The following HEPACAM variants were observed in gnomAD, a reference collection of about 807,000 sequenced individuals.
HEPACAM encodes the protein hepatic and glial cell adhesion molecule, also known as hepatocyte cell adhesion molecule.
A neutral mutation model predicts 38.3 loss-of-function variants in HEPACAM; 18 were observed. The ratio of observed to expected loss-of-function variants is 0.47; its 90% CI spans 0.33 to 0.70. The LOEUF is 0.70. Among genes scored for constraint, HEPACAM ranks in the 30% least tolerant of loss-of-function variants. The pLI, the probability that HEPACAM is intolerant of heterozygous loss-of-function variation, is 0.03. For synonymous variants in HEPACAM, 216 were observed against 243.1 expected (o/e 0.89, Z 1.04); for missense variants, 466 against 563.0 (o/e 0.83, Z 1.74).
rs771507526 is a variant in HEPACAM at position 124,922,477 on chromosome 11, C to T, written c.878-19G>A. ...GTGTCTGCTGCACAGGGGAGAGAAG[C>T]GGGTGGCTGGCCCAGGTACAGACTC... is the stretch of plus-strand genomic sequence containing the variant. On this transcript the variant is annotated intron_variant, in intron 5 of 6. Transcript: ENST00000298251. The T allele has an allele frequency of 1.5e-5, 24 of 1,613,712 alleles. No individual in the cohort carries two copies. Among genetic ancestry groups the T allele is most frequent in the Admixed American group, 6.7e-5 (4 of 59,990 alleles).
Position 124,924,297 on chromosome 11 carries a change from G to A in HEPACAM, c.428-287C>T, listed in dbSNP as rs1309779388. 1.3e-5 allele frequency among the ~76,000 whole-genome samples: 2 copies of A among 152,126 alleles called. No homozygotes were observed. Among genetic ancestry groups the A allele is most frequent in the Admixed American group, 1.3e-4 (2 of 15,272 alleles). Reference sequence around the variant, plus strand: ...CCAAATGCCTTGCCATGAACCCTGGGCTTTAATGTCTTAAACTGACCCAGC... The same window carrying A: ...CCAAATGCCTTGCCATGAACCCTGGACTTTAATGTCTTAAACTGACCCAGC... On this transcript the variant is annotated intron_variant, in intron 2 of 6. Transcript: ENST00000298251. The surrounding 1 kb of genome is among the most constrained non-coding windows in gnomAD (Gnocchi z 4.4).
intron 1 of HEPACAM, among the ~76,000 whole-genome samples, chr11:124,929,875 T>G (rs190101168): frequency 2.0e-5 from 3 of 152,248 alleles, no homozygotes; most frequent in East Asian, 1.9e-4. Flanking sequence ...CTCCCTTTGC[T>G]GGGCCAAAGT....
In HEPACAM at chr11:124,935,801, G is replaced by A. The variant is rs141445377; in HGVS notation, c.85+121C>T. The A allele has an allele frequency of 1.1e-5, 9 of 794,078 alleles. No individual in the cohort carries two copies. The Middle Eastern group carries it at 7.0e-4, about 62-fold the overall frequency. The allele number at this position is 794,078 out of a possible 1,614,324, so 49.2% of individuals were successfully genotyped here. A position where few individuals can be genotyped will look rare whatever the true frequency, so the allele number is the denominator to read the frequency against. On this transcript the variant is annotated intron_variant, in intron 1 of 6. Transcript: ENST00000298251. Reference sequence around the variant, plus strand: ...CTGAATTCCCTGACATGTTTCCCACGGCAGCTGAACTCTCCCCCACTCCTG... The same window carrying A: ...CTGAATTCCCTGACATGTTTCCCACAGCAGCTGAACTCTCCCCCACTCCTG...
Position 124,924,869 on chromosome 11 carries a change from G to C in HEPACAM, c.286C>G (p.Arg96Gly). 2 of 1,614,174 alleles carry C rather than the reference G, an allele frequency of 1.2e-6. No individual in the cohort carries two copies. Among genetic ancestry groups the C allele is most frequent in the Non-Finnish European group, 1.7e-6 (2 of 1,180,028 alleles). The change falls in exon 2 of 7, where the codon CGA (arginine) becomes GGA (glycine). Residue 96 changes from arginine (R) to glycine (G), a missense_variant. Coordinates refer to ENST00000298251, the MANE Select transcript of HEPACAM (RefSeq NM_152722.5). This position sits in a 1 kb window ranked among gnomAD's most constrained non-coding sequence, Gnocchi z 4.4. ...TTTTCAAAGAGTCGGATACGGTCTC[G>C]ATAGTCAGGCCGCAGGGTGCCGATG... ...EVIGTLRPDY[R>G]DRIRLFENGS...
chr11:124,921,379 G>T lies in HEPACAM; in HGVS notation c.1010C>A (p.Pro337Gln), dbSNP rs1591547032. Residue 337 changes from proline to glutamine, a missense_variant, in exon 7 of 7, where the codon CCG becomes CAG. Physicochemically the swap from Pro to Gln is moderately conservative, Grantham distance 76 (BLOSUM62 -1). Transcript: ENST00000298251. This position sits in a 1 kb window ranked among gnomAD's most constrained non-coding sequence, Gnocchi z 4.6. Reference sequence around the variant, plus strand: ...GGCGGGAGACACGGAGTAGCCGGGCGGGCCGGGCTCCGTCGCGCTTCGAGG... The same window carrying T: ...GGCGGGAGACACGGAGTAGCCGGGCTGGCCGGGCTCCGTCGCGCTTCGAGG... The part of the protein sequence containing the change: ...PEPRSATEPG[P>Q]PGYSVSPAVP... 7.9e-7 allele frequency: 1 copy of T among 1,272,328 alleles called. No homozygotes were observed. The highest frequency in any genetic ancestry group is 9.9e-7 in the Non-Finnish European group (1 of 1,012,142). 78.8% of individuals were successfully genotyped at this position (1,272,328 alleles called of 1,614,324 possible). A position where few individuals can be genotyped will look rare whatever the true frequency, so the allele number is the denominator to read the frequency against.
At chr11:124,923,472 A>C (rs573199088) in intron 3 of HEPACAM, 39 bp from the exon 4 acceptor site, 2 of 1,431,562 alleles carry the variant, frequency 1.4e-6, no homozygotes, top group East Asian at 2.3e-5. Context: ...GAGGGACTTC[A>C]AAGGGGCAAG....
rs1057524812 is a variant in HEPACAM, at chr11:124,921,412, G to T, written c.977C>A (p.Ala326Asp). 15 of 1,270,994 alleles carry T rather than the reference G, an allele frequency of 1.2e-5. No homozygotes were observed. The highest frequency in any genetic ancestry group is 1.5e-5 in the Non-Finnish European group (15 of 1,010,620). The allele number at this position is 1,270,994 out of a possible 1,614,324, so 78.7% of individuals were successfully genotyped here. ...KDSPETEENP[A>D]PEPRSATEPG... The stretch of plus-strand genomic sequence containing the variant: ...CTCCGTCGCGCTTCGAGGCTCCGGG[G>T]CCGGGTTCTCCTCGGTCTCCGGGGA... The change falls in exon 7 of 7, where the codon GCC becomes GAC. Residue 326 changes from alanine (A) to aspartate (D), a missense_variant. Transcript: ENST00000298251. This position sits in a 1 kb window ranked among gnomAD's most constrained non-coding sequence, Gnocchi z 4.6.
chr11:124,923,473 A>G (rs1282858643), intron 3 of HEPACAM, 40 bp from the exon 4 acceptor site: 2 of 1,417,654 alleles, frequency 1.4e-6, no homozygotes, highest in South Asian at 2.3e-5. Flanking sequence ...AGGGACTTCA[A>G]AGGGGCAAGA....
At position 124,925,024 on chromosome 11, in the gene HEPACAM, TGGATCA is replaced by T; in HGVS notation, c.125_130del (p.Leu42_Ile43del). ...CAGAGCCGACTTCCCCACGGTGCCATGGATCAGGCGCACGGGGCTGGTGATGTTCAC... is the reference window on the plus strand; with the variant it reads ...CAGAGCCGACTTCCCCACGGTGCCATGGCGCACGGGGCTGGTGATGTTCAC... On this transcript the variant is annotated inframe_deletion, in exon 2 of 7. Transcript: ENST00000298251. 1 of 1,605,718 alleles carries T rather than the reference TGGATCA, an allele frequency of 6.2e-7. No homozygotes were observed. Among genetic ancestry groups the T allele is most frequent in the Non-Finnish European group, 8.5e-7 (1 of 1,173,648 alleles).
Position 124,921,434 on chromosome 11 carries a change from G to A in HEPACAM, c.955C>T (p.Pro319Ser). The change falls in exon 7 of 7, where the codon CCG (proline) becomes TCG (serine). Residue 319 changes from proline (P) to serine (S), a missense_variant. By Grantham distance (74) the Pro-to-Ser change is moderately conservative. Transcript: ENST00000298251. The surrounding 1 kb of genome is among the most constrained non-coding windows in gnomAD (Gnocchi z 4.6). ...GGGGCCGGGTTCTCCTCGGTCTCCG[G>A]GGAGTCCTGCAAGGACACGCGCCGC... Reference protein sequence around the residue: ...ALYILKDKDSPETEENPAPEP... With the variant: ...ALYILKDKDSSETEENPAPEP... 7.9e-7 allele frequency: 1 copy of A among 1,269,518 alleles called. No homozygotes were observed. The allele number at this position is 1,269,518 out of a possible 1,614,324, so 78.6% of individuals were successfully genotyped here. A position where few individuals can be genotyped will look rare whatever the true frequency, so the allele number is the denominator to read the frequency against.
Position 124,924,074 on chromosome 11 carries a change from T to A in HEPACAM, c.428-64A>T, listed in dbSNP as rs11219839. 3.3e-6 allele frequency: 5 copies of A among 1,493,778 alleles called. No individual in the cohort carries two copies. In the East Asian group the frequency reaches 1.2e-4, roughly 36 times the overall value. The allele number at this position is 1,493,778 out of a possible 1,614,324, so 92.5% of individuals were successfully genotyped here. A position where few individuals can be genotyped will look rare whatever the true frequency, so the allele number is the denominator to read the frequency against. On this transcript the variant is annotated intron_variant, in intron 2 of 6. Transcript: ENST00000298251. This position sits in a 1 kb window ranked among gnomAD's most constrained non-coding sequence, Gnocchi z 4.4. ...TAAGAAGTGTCTCCCTTCCCCTTTT[T>A]AGCTCCCTGCCTTCCAACACACCTT...
intron 3 of HEPACAM, 38 bp downstream of exon 3, chr11:124,923,691 G>A (rs760037723): frequency 6.2e-7 from 1 of 1,612,376 alleles, no homozygotes. Context: ...GCCTCTTGGG[G>A]CTTTGAGTAC....
At chr11:124,922,277 CG>C in intron 6 of HEPACAM, 110 bp downstream of exon 6, 1 of 1,172,042 alleles carries the variant, frequency 8.5e-7, no homozygotes, top group Non-Finnish European at 1.3e-6. Context: ...GTGCCAAAAC[CG>C]TTGGGGACTG....
chr11:124,919,378 T>G lies in HEPACAM; in HGVS notation c.*1760A>C. ...CTTACTTACCCCTCCCCACCCCCAA[T>G]TTAAGGCAGATTTGGCTTAAGCCTG... On this transcript the variant is annotated 3_prime_UTR_variant, in exon 7 of 7. Transcript: ENST00000298251. The G allele has an allele frequency of 4.2e-6, 1 of 237,304 alleles. No individual in the cohort carries two copies. Among genetic ancestry groups the G allele is most frequent in the Non-Finnish European group, 8.1e-6 (1 of 122,980 alleles). The allele number at this position is 237,304 out of a possible 1,614,324, so 14.7% of individuals were successfully genotyped here.
intron 5 of HEPACAM, 92 bp downstream of exon 5, chr11:124,922,653 G>T: frequency 6.2e-7 from 1 of 1,614,012 alleles, no homozygotes; most frequent in South Asian, 1.1e-5. Flanking sequence ...TCCCTGCAGA[G>T]CTGTTTTCCT....
chr11:124,919,336 A>AAAAC lies in HEPACAM; in HGVS notation c.*1798_*1801dup, dbSNP rs560243987. 0.22 allele frequency: 43,797 copies of AAAAC among 199,830 alleles called. 5,558 individuals carry two copies. The highest frequency in any genetic ancestry group is 0.35 in the African/African-American group (15,169 of 42,924). The allele number at this position is 199,830 out of a possible 1,614,324, so 12.4% of individuals were successfully genotyped here. ...CAAAGATGAAGATGAAAACAACACA[A>AAAAC]AAACAAACCCCACTTCCTTACTTAC... On this transcript the variant is annotated 3_prime_UTR_variant, in exon 7 of 7. Coordinates refer to ENST00000298251, the MANE Select transcript of HEPACAM (RefSeq NM_152722.5).
chr11:124,920,002 T>C lies in HEPACAM; in HGVS notation c.*1136A>G. 6.2e-7 allele frequency: 1 copy of C among 1,612,918 alleles called. No homozygotes were observed. Among genetic ancestry groups the C allele is most frequent in the Non-Finnish European group, 8.5e-7 (1 of 1,179,918 alleles). On this transcript the variant is annotated 3_prime_UTR_variant, in exon 7 of 7. Transcript: ENST00000298251. ...CTACACAGCGGCCCAGCCTCTTTAT[T>C]TTGATGTTAGTGTGATTAGGGAGTC... is the stretch of plus-strand genomic sequence containing the variant.
rs1358194389 is a variant in HEPACAM, at chr11:124,919,656, G to A, written c.*1482C>T. 2 of 1,411,736 alleles carry A rather than the reference G, an allele frequency of 1.4e-6. No homozygotes were observed. The highest frequency in any genetic ancestry group is 2.5e-4 in the Middle Eastern group (1 of 3,922). The allele number at this position is 1,411,736 out of a possible 1,614,324, so 87.5% of individuals were successfully genotyped here. ...GGGAAGTGCCGAGGGACAGGGAGCTGAGACAGGCATGCTGTGGGGTTCAGG... is the reference window on the plus strand; with the variant it reads ...GGGAAGTGCCGAGGGACAGGGAGCTAAGACAGGCATGCTGTGGGGTTCAGG... On this transcript the variant is annotated 3_prime_UTR_variant, in exon 7 of 7. Transcript: ENST00000298251.
chr11:124,923,525 G>A, intron 3 of HEPACAM, 92 bp from the exon 4 acceptor site: 1 of 1,162,388 alleles, frequency 8.6e-7, no homozygotes. Context: ...AAGAGAGGGG[G>A]AGCCCCAGGC....
Sources: gnomAD v4.1 joint callset for allele counts (sites outside exome capture counted in the v4.1 genomes callset) on GRCh38, gnomAD v4.1.1 for gene constraint, Gnocchi (gnomAD v3.1) non-coding constraint, MANE v1.5 for transcripts, NCBI Gene and HGNC (gene_info 2026-07-23, HGNC 2026-07-21) for gene names.